The following PSAT1 variants were observed in gnomAD, a reference collection of about 807,000 sequenced individuals.
The protein encoded by PSAT1 is phosphoserine aminotransferase 1.
In PSAT1, 41 loss-of-function variants were observed where a neutral mutation model predicts 40.3. The ratio of observed to expected loss-of-function variants is 1.02; its 90% CI spans 0.79 to 1.32. The LOEUF is 1.32. PSAT1 is among the 40% of genes most tolerant of loss of function. The pLI is 0.00. For synonymous variants in PSAT1, 147 were observed against 170.5 expected (o/e 0.86, Z 1.07); for missense variants, 406 against 455.8 (o/e 0.89, Z 0.99).
At chr9:78,327,718 T>C (rs1828521822) in intron 7 of PSAT1, among the ~76,000 whole-genome samples, 1 of 152,170 alleles carries the variant, frequency 6.6e-6, no homozygotes, top group Non-Finnish European at 1.5e-5. Flanking sequence ...GCAGCTGCCA[T>C]GTGTTGGAAG....
At chr9:78,324,766 A>C (rs1174295031) in intron 7 of PSAT1, among the ~76,000 whole-genome samples, 2 of 151,070 alleles carry the variant, frequency 1.3e-5, no homozygotes, top group Non-Finnish European at 2.9e-5. Flanking sequence ...AAAAAAAGGG[A>C]GAGCCTCTTT....
chr9:78,301,478 T>A (rs189870226), intron 2 of PSAT1, among the ~76,000 whole-genome samples: 12 of 152,352 alleles, frequency 7.9e-5, no homozygotes, highest in African/African-American at 2.9e-4. Context: ...TTTTGGCGGT[T>A]CTGAAGACTG....
At chr9:78,325,359 G>A (rs1828481658) in intron 7 of PSAT1, among the ~76,000 whole-genome samples, 1 of 152,138 alleles carries the variant, frequency 6.6e-6, no homozygotes, top group Non-Finnish European at 1.5e-5. Flanking sequence ...ACCGCATTTT[G>A]TTGTGGATTA....
At chr9:78,328,486 G>A (rs1181626804) in intron 8 of PSAT1, among the ~76,000 whole-genome samples, 2 of 152,170 alleles carry the variant, frequency 1.3e-5, no homozygotes, top group Non-Finnish European at 2.9e-5. Context: ...CTCTGATGAG[G>A]CCAGCACCAC....
rs1479711917 is a variant in PSAT1, at chr9:78,317,784, T to C, written c.849T>C (p.Asp283=). ...CTCAAACAATTTATGAGATTATTGA[T>C]AATTCTCAAGGATTCTACGTGTAAG... ...IKSQTIYEII[D]NSQGFYVCPV... The change falls in exon 7 of 9, where the codon GAT becomes GAC. Residue 283 remains aspartate (D), a synonymous_variant. Transcript: ENST00000376588. 2 of 1,613,034 alleles carry C rather than the reference T, an allele frequency of 1.2e-6. No individual in the cohort carries two copies. The highest frequency in any genetic ancestry group is 1.7e-6 in the Non-Finnish European group (2 of 1,179,854).
intron 1 of PSAT1, among the ~76,000 whole-genome samples, chr9:78,297,928 A>G (rs1828050705): frequency 6.6e-6 from 1 of 151,556 alleles, no homozygotes; most frequent in African/African-American, 2.4e-5. Flanking sequence ...CTTGTCCCCC[A>G]TAGAACCTAC....
At chr9:78,318,730 C>T (rs535748346) in intron 7 of PSAT1, among the ~76,000 whole-genome samples, 4 of 152,302 alleles carry the variant, frequency 2.6e-5, no homozygotes, top group South Asian at 4.1e-4. Context: ...CATCTCATCT[C>T]GAGATCCTTC....
In PSAT1 at chr9:78,313,903, G is replaced by A. The variant is rs569689784; in HGVS notation, c.741-3773G>A. Among the ~76,000 whole-genome samples, 418 of 152,258 alleles carry A rather than the reference G, an allele frequency of 2.7e-3. 1 individual carries two copies. The highest frequency in any genetic ancestry group is 3.9e-3 in the Non-Finnish European group (262 of 68,020). On this transcript the variant is annotated intron_variant, in intron 6 of 8. Transcript: ENST00000376588. ...CTCAAGCTGTCCTCCCACACTGGCC[G>A]TCCAAAGTGTTGGGATTACAGGCAT...
Position 78,300,494 on chromosome 9 carries a change from G to A in PSAT1, c.61-108G>A, listed in dbSNP as rs184809041. On this transcript the variant is annotated intron_variant, in intron 1 of 8. Coordinates refer to ENST00000376588, the MANE Select transcript of PSAT1 (RefSeq NM_058179.4). ...GCTGTGGGTGGGGATGGAAGCCTGG[G>A]GACCTCACTGTAGACCCTTCCTTGT... 2.2e-5 allele frequency: 30 copies of A among 1,386,876 alleles called. No individual in the cohort carries two copies. The East Asian group carries it at 7.5e-4, about 35-fold the overall frequency. The allele number at this position is 1,386,876 out of a possible 1,614,324, so 85.9% of individuals were successfully genotyped here. A position where few individuals can be genotyped will look rare whatever the true frequency, so the allele number is the denominator to read the frequency against.
At chr9:78,304,265 T>C (rs776829963) in intron 3 of PSAT1, among the ~76,000 whole-genome samples, 4 of 152,198 alleles carry the variant, frequency 2.6e-5, no homozygotes, top group Non-Finnish European at 5.9e-5. Context: ...CTTCATTGGG[T>C]GGCCACCATT....
At chr9:78,308,038 C>T (rs992885882) in intron 5 of PSAT1, among the ~76,000 whole-genome samples, 15 of 151,082 alleles carry the variant, frequency 9.9e-5, no homozygotes, top group Admixed American at 9.9e-4. Flanking sequence ...GACTCCGTCT[C>T]AAAAGAAAAA....
intron 7 of PSAT1, among the ~76,000 whole-genome samples, chr9:78,325,131 A>G (rs1271671328): frequency 6.6e-6 from 1 of 152,198 alleles, no homozygotes; most frequent in Non-Finnish European, 1.5e-5. Flanking sequence ...GTTCATTCAC[A>G]TGCACAGTAG....
At position 78,329,589 on chromosome 9, in the gene PSAT1, T is replaced by A. The variant is rs1281201926; in HGVS notation, c.*503T>A. 5.9e-6 allele frequency: 1 copy of A among 169,456 alleles called. No homozygotes were observed. The highest frequency in any genetic ancestry group is 1.3e-5 in the Non-Finnish European group (1 of 78,010). 10.5% of individuals were successfully genotyped at this position (169,456 alleles called of 1,614,324 possible). ...GCGAAGGGCAAACTGTAGATCGATC[T>A]TTATGCTGTTATTACAGGAGAAGTG... On this transcript the variant is annotated 3_prime_UTR_variant, in exon 9 of 9. Transcript: ENST00000376588.
At chr9:78,300,710 C>CG (rs1828095250) in intron 2 of PSAT1, 48 bp downstream of exon 2, 3 of 1,107,738 alleles carry the variant, frequency 2.7e-6, no homozygotes, top group Non-Finnish European at 3.4e-6. Context: ...TCAAAGGAAG[C>CG]TTTTTTTTTT....
chr9:78,306,399 G>C lies in PSAT1; in HGVS notation c.483G>C (p.Glu161Asp). The change falls in exon 5 of 9, where the codon GAG becomes GAC. Residue 161 changes from glutamate to aspartate, a missense_variant. By Grantham distance (45) the Glu-to-Asp change is conservative. Transcript: ENST00000376588. ...CAAATGAGACGGTGCATGGTGTGGA[G>C]TTTGACTTTATACCCGATGTCAAGG... ...YCANETVHGV[E>D]FDFIPDVKGA... The C allele has an allele frequency of 6.2e-7, 1 of 1,613,996 alleles. No homozygotes were observed. The highest frequency in any genetic ancestry group is 8.5e-7 in the Non-Finnish European group (1 of 1,180,040).
intron 7 of PSAT1, among the ~76,000 whole-genome samples, chr9:78,323,763 A>T (rs1758831492): frequency 6.6e-6 from 1 of 152,186 alleles, no homozygotes; most frequent in Non-Finnish European, 1.5e-5. Context: ...GCAGATCTTC[A>T]TATTTTTATT....
In PSAT1 at chr9:78,308,681, C is replaced by T. The variant is rs903149828; in HGVS notation, c.740+98C>T. ...TTAAAATAAAACATGTAAGCCTGGGCGCGGTGGCTCACACCTGTAATCTTA... is the reference window on the plus strand; with the variant it reads ...TTAAAATAAAACATGTAAGCCTGGGTGCGGTGGCTCACACCTGTAATCTTA... On this transcript the variant is annotated intron_variant, in intron 6 of 8. Coordinates refer to ENST00000376588, the MANE Select transcript of PSAT1 (RefSeq NM_058179.4). The T allele has an allele frequency of 3.7e-5, 53 of 1,419,832 alleles. No individual in the cohort carries two copies. The Middle Eastern group carries it at 8.5e-4, about 23-fold the overall frequency. The allele number at this position is 1,419,832 out of a possible 1,614,324, so 88.0% of individuals were successfully genotyped here.
In PSAT1 at chr9:78,308,508, G is replaced by A. The variant is rs114496656; in HGVS notation, c.665G>A (p.Arg222Gln). The change falls in exon 6 of 9, where the codon CGA (arginine) becomes CAA (glutamine). Residue 222 changes from arginine (R) to glutamine (Q), a missense_variant. Coordinates refer to ENST00000376588, the MANE Select transcript of PSAT1 (RefSeq NM_058179.4). ...GATGACCTGCTGGGGTTTGCCCTCC[G>A]AGAGTGCCCCTCGGTCCTGGAATAC... ...VRDDLLGFALRECPSVLEYKV... is the reference protein window; with the variant it reads ...VRDDLLGFALQECPSVLEYKV... The A allele has an allele frequency of 7.1e-5, 115 of 1,614,052 alleles. No individual in the cohort carries two copies. In the African/African-American group the frequency reaches 1.1e-3, roughly 15 times the overall value.
intron 1 of PSAT1, among the ~76,000 whole-genome samples, chr9:78,300,296 G>C (rs777306424): frequency 6.6e-6 from 1 of 152,150 alleles, no homozygotes; most frequent in Non-Finnish European, 1.5e-5. Flanking sequence ...CTTTACTTTA[G>C]CTTTAGGAGA....
Sources: allele counts gnomAD v4.1 joint callset (sites outside exome capture counted in the v4.1 genomes callset), GRCh38; gene constraint gnomAD v4.1.1; transcripts MANE v1.5; gene names NCBI Gene and HGNC (gene_info 2026-07-23, HGNC 2026-07-21).